DIP2C: variants seen among roughly 807,000 people sequenced by gnomAD.
The protein encoded by DIP2C is DIP2 acetate--CoA ligase C (putative).
A neutral mutation model predicts 192.4 loss-of-function variants in DIP2C; 33 were observed. The observed-to-expected ratio is 0.17, with a 90% CI of 0.13 to 0.23. The LOEUF is 0.23. Ranked by LOEUF, DIP2C falls within the 10% of genes least tolerant of loss-of-function variation. DIP2C has a pLI of 1.00. For missense variants in DIP2C, 1,537 were observed against 2,110.1 expected (o/e 0.73, Z 5.32); for synonymous variants, 979 against 864.1 (o/e 1.13, Z -2.33).
chr10:660,934 C>T (rs559650712), intron 1 of DIP2C, among the ~76,000 whole-genome samples: 36 of 152,150 alleles, frequency 2.4e-4, no homozygotes, highest in Non-Finnish European at 1.0e-4. Flanking sequence ...CTCCAAATGC[C>T]GTAACACAAG....
At chr10:623,748 GC>G (rs1308692030) in intron 1 of DIP2C, among the ~76,000 whole-genome samples, 3 of 148,350 alleles carry the variant, frequency 2.0e-5, no homozygotes, top group Admixed American at 6.7e-5. Context: ...CGGACGCAGG[GC>G]CAAGGGGAAG....
intron 8 of DIP2C, among the ~76,000 whole-genome samples, chr10:412,752 G>GAAATC (rs1965270051): frequency 6.6e-6 from 1 of 152,120 alleles, no homozygotes; most frequent in Non-Finnish European, 1.5e-5. Flanking sequence ...GGCTAATGTA[G>GAAATC]AAATCAATTC....
At position 565,390 on chromosome 10, in the gene DIP2C, C is replaced by T. The variant is rs566958939; in HGVS notation, c.86-78860G>A. ...AAAAAAAGACCTAGACAAACACACACAACCCCATAATGCAGAGTCAAACTT... is the reference window on the plus strand; with the variant it reads ...AAAAAAAGACCTAGACAAACACACATAACCCCATAATGCAGAGTCAAACTT... On this transcript the variant is annotated intron_variant, in intron 1 of 36. Transcript: ENST00000280886. 1.8e-4 allele frequency among the ~76,000 whole-genome samples: 26 copies of T among 140,578 alleles called. No individual in the cohort carries two copies. The South Asian group carries it at 5.4e-3, about 29-fold the overall frequency. The allele number at this position is 140,578 out of a possible 152,430, so 92.2% of individuals were successfully genotyped here.
intron 28 of DIP2C, among the ~76,000 whole-genome samples, chr10:344,083 A>G (rs1589547313): frequency 6.6e-6 from 1 of 152,292 alleles, no homozygotes; most frequent in East Asian, 1.9e-4. Context: ...TCAGACGCTG[A>G]GACTATAAGC....
intron 1 of DIP2C, among the ~76,000 whole-genome samples, chr10:490,277 T>C (rs915156015): frequency 2.6e-5 from 4 of 152,242 alleles, no homozygotes; most frequent in African/African-American, 9.6e-5. Flanking sequence ...CTTCTCTCCC[T>C]CTCACCTTGC....
chr10:288,569 G>A, intron 32 of DIP2C, 148 bp from the exon 33 acceptor site: 1 of 778,752 alleles, frequency 1.3e-6, no homozygotes, highest in South Asian at 1.8e-5. Context: ...TGCAGAAAGA[G>A]CAGCCCAGCA....
chr10:362,620 G>C lies in DIP2C; in HGVS notation c.2664C>G (p.Thr888=). Residue 888 remains threonine (T), a synonymous_variant, in exon 22 of 37, where the codon ACC becomes ACG. Coordinates refer to ENST00000280886, the MANE Select transcript of DIP2C (RefSeq NM_014974.3). ...CTGATAAATGGATCCCACCAAGCGG[G>C]GTTTTGGGGAGGGTGTTTGCTGGCA... ...ALVPANTLPK[T]PLGGIHLSET... The C allele has an allele frequency of 1.2e-6, 2 of 1,614,142 alleles. No homozygotes were observed. The highest frequency in any genetic ancestry group is 2.2e-5 in the South Asian group (2 of 91,078).
At position 378,535 on chromosome 10, in the gene DIP2C, A is replaced by C. The variant is rs547215833; in HGVS notation, c.1991+4112T>G. ...CACGTGAACACACATGCACAAAGAC[A>C]CATGTGAACACATGCAGACACGTGA... On this transcript the variant is annotated intron_variant, in intron 17 of 36. Coordinates refer to ENST00000280886, the MANE Select transcript of DIP2C (RefSeq NM_014974.3). Among the ~76,000 whole-genome samples, 561 of 152,220 alleles carry C rather than the reference A, an allele frequency of 3.7e-3. 1 individual carries two copies. The highest frequency in any genetic ancestry group is 0.014 in the Middle Eastern group (4 of 294).
intron 9 of DIP2C, among the ~76,000 whole-genome samples, chr10:407,202 T>C (rs185721441): frequency 3.3e-5 from 5 of 152,342 alleles, no homozygotes; most frequent in Non-Finnish European, 7.4e-5. Context: ...TGTTGGGTAG[T>C]TACGCTCGCA....
intron 1 of DIP2C, among the ~76,000 whole-genome samples, chr10:619,352 C>T (rs930189381): frequency 2.0e-5 from 3 of 152,244 alleles, no homozygotes; most frequent in Admixed American, 6.5e-5. Flanking sequence ...GAGATGTCAG[C>T]AGGGCTGGCT....
intron 1 of DIP2C, among the ~76,000 whole-genome samples, chr10:573,068 C>T (rs979983844): frequency 2.6e-5 from 4 of 151,952 alleles, no homozygotes; most frequent in African/African-American, 9.7e-5. Flanking sequence ...TTTTCATTCT[C>T]GGAGGGAAAT....
At chr10:393,262 A>G (rs1015599253) in intron 10 of DIP2C, among the ~76,000 whole-genome samples, 3 of 152,216 alleles carry the variant, frequency 2.0e-5, no homozygotes, top group African/African-American at 2.4e-5. Context: ...GATGGAAGCA[A>G]TATTAGGATT....
At chr10:497,404 C>T (rs996815847) in intron 1 of DIP2C, among the ~76,000 whole-genome samples, 1 of 152,202 alleles carries the variant, frequency 6.6e-6, no homozygotes, top group African/African-American at 2.4e-5. Context: ...CCCTCCCACA[C>T]CCCTCATTAC....
intron 5 of DIP2C, among the ~76,000 whole-genome samples, chr10:420,581 C>G (rs577977198): frequency 1.3e-5 from 2 of 152,288 alleles, no homozygotes; most frequent in East Asian, 3.9e-4. Flanking sequence ...TGTGAAAACG[C>G]TGGACACAGC....
At chr10:543,203 C>T (rs1019461035) in intron 1 of DIP2C, among the ~76,000 whole-genome samples, 2 of 152,218 alleles carry the variant, frequency 1.3e-5, no homozygotes, top group African/African-American at 2.4e-5. Context: ...TAGGAATAAC[C>T]GTCTCCTTTG....
intron 1 of DIP2C, among the ~76,000 whole-genome samples, chr10:604,398 C>A (rs1221820589): frequency 6.6e-6 from 1 of 152,274 alleles, no homozygotes; most frequent in African/African-American, 2.4e-5. Context: ...GACGAGTGGA[C>A]CCTAGATGGA....
chr10:295,292 T>G (rs1314147682), intron 32 of DIP2C, among the ~76,000 whole-genome samples: 3 of 152,078 alleles, frequency 2.0e-5, no homozygotes, highest in Non-Finnish European at 4.4e-5. Context: ...CCGGGCGCGG[T>G]GGCTTACGCC....
chr10:572,224 T>A (rs1220488205), intron 1 of DIP2C, among the ~76,000 whole-genome samples: 1 of 152,366 alleles, frequency 6.6e-6, no homozygotes, highest in East Asian at 1.9e-4. Flanking sequence ...AGACAGCACC[T>A]GGCATGTGTG....
chr10:613,339 C>T (rs557160612), intron 1 of DIP2C, among the ~76,000 whole-genome samples: 124 of 152,236 alleles, frequency 8.1e-4, no homozygotes, highest in Non-Finnish European at 1.3e-4. Context: ...CAGTGCAGTG[C>T]GATTTTCTAT....
Sources: gnomAD v4.1 joint callset for allele counts (sites outside exome capture counted in the v4.1 genomes callset) on GRCh38, gnomAD v4.1.1 for gene constraint, MANE v1.5 for transcripts, NCBI Gene and HGNC (gene_info 2026-07-23, HGNC 2026-07-21) for gene names.